Variants in CYP11A1 observed in about 807,000 individuals in gnomAD.
CYP11A1 encodes the protein cholesterol side-chain cleavage enzyme, mitochondrial.
Under a neutral mutation model 51.9 loss-of-function variants are expected in CYP11A1, and 25 were observed. The ratio of observed to expected loss-of-function variants is 0.48; its 90% CI spans 0.35 to 0.67. CYP11A1 has a LOEUF of 0.67. CYP11A1 is among the 30% of genes least tolerant of loss of function. The pLI is 0.00. For missense variants in CYP11A1, 578 were observed against 680.9 expected (o/e 0.85, Z 1.68); for synonymous variants, 245 against 262.1 (o/e 0.93, Z 0.63).
chr15:74,338,336 C>A, intron 8 of CYP11A1: 2 of 704,326 alleles, frequency 2.8e-6, no homozygotes, highest in Non-Finnish European at 2.5e-6. Context: ...CCTATCCCAT[C>A]CCATCACCAC....
At position 74,338,548 on chromosome 15, in the gene CYP11A1, T is replaced by C. The variant is rs1567050719; in HGVS notation, c.1434+23A>G. ...AGGGCCAGGGCCAGCCCAGGGTGCC[T>C]AGATGTCCCCAGCTTGACTCACATT... On this transcript the variant is annotated intron_variant, in intron 8 of 8. Coordinates refer to ENST00000268053, the MANE Select transcript of CYP11A1 (RefSeq NM_000781.3). The C allele has an allele frequency of 1.9e-6, 3 of 1,613,230 alleles. No homozygotes were observed. The East Asian group carries it at 6.7e-5, about 36-fold the overall frequency.
At chr15:74,344,536 A>G (rs911916486) in intron 3 of CYP11A1, among the ~76,000 whole-genome samples, 2 of 152,192 alleles carry the variant, frequency 1.3e-5, no homozygotes, top group African/African-American at 4.8e-5. Context: ...CTGTGACCAC[A>G]CAATCTTCAT....
chr15:74,343,351 C>T (rs1427130335), intron 4 of CYP11A1, among the ~76,000 whole-genome samples: 1 of 152,112 alleles, frequency 6.6e-6, no homozygotes, highest in Non-Finnish European at 1.5e-5. Flanking sequence ...CCCCATTTTA[C>T]AGATAACAGA....
chr15:74,348,557 T>G (rs186644053), intron 1 of CYP11A1, among the ~76,000 whole-genome samples: 197 of 152,330 alleles, frequency 1.3e-3, no homozygotes, highest in Non-Finnish European at 2.4e-3. Flanking sequence ...CCTGTCAGAC[T>G]CTACAACTGA....
intron 5 of CYP11A1, among the ~76,000 whole-genome samples, chr15:74,342,240 G>A (rs1207996696): frequency 6.6e-6 from 1 of 152,088 alleles, no homozygotes; most frequent in Non-Finnish European, 1.5e-5. Context: ...CCACCACCAG[G>A]CCCAGCTAAT....
intron 1 of CYP11A1, among the ~76,000 whole-genome samples, chr15:74,349,737 AC>A (rs921617999): frequency 1.9e-4 from 29 of 151,792 alleles, no homozygotes; most frequent in Admixed American, 1.4e-3. Flanking sequence ...ACTTTAAAGA[AC>A]CCGCGAAAAA....
Position 74,339,291 on chromosome 15 carries a change from C to T in CYP11A1, c.1182G>A (p.Leu394=), listed in dbSNP as rs375743628. The T allele has an allele frequency of 1.9e-6, 3 of 1,614,198 alleles. No individual in the cohort carries two copies. Among genetic ancestry groups the T allele is most frequent in the Non-Finnish European group, 8.5e-7 (1 of 1,180,012 alleles). The change falls in exon 7 of 9, where the codon CTG becomes CTA. Residue 394 remains leucine (L), a synonymous_variant. Transcript: ENST00000268053. Reference sequence around the variant, plus strand: ...CCAAGTCATTTACAAGATATCTCTGCAGGGTCACGGAGATGGGGTGAAGTC... The same window carrying T: ...CCAAGTCATTTACAAGATATCTCTGTAGGGTCACGGAGATGGGGTGAAGTC... The part of the protein sequence containing the change: ...TLRLHPISVT[L]QRYLVNDLVL...
At chr15:74,357,636 T>C (rs973571701) in intron 1 of CYP11A1, among the ~76,000 whole-genome samples, 2 of 151,860 alleles carry the variant, frequency 1.3e-5, no homozygotes, top group Non-Finnish European at 2.9e-5. Flanking sequence ...TAGCTCTCTC[T>C]AACTCATCCA....
At chr15:74,360,193 C>T (rs982050697) in intron 1 of CYP11A1, among the ~76,000 whole-genome samples, 2 of 152,212 alleles carry the variant, frequency 1.3e-5, no homozygotes, top group African/African-American at 4.8e-5. Flanking sequence ...TAGGTAAGGC[C>T]TGGGGACACG....
chr15:74,341,927 C>T (rs1383616839), intron 5 of CYP11A1, among the ~76,000 whole-genome samples: 1 of 152,186 alleles, frequency 6.6e-6, no homozygotes, highest in Non-Finnish European at 1.5e-5. Context: ...TAGAATGCAC[C>T]AACCCTGCCA....
rs2060596734 is a variant in CYP11A1, at chr15:74,339,570, G to A, written c.1157+17C>T. On this transcript the variant is annotated intron_variant, in intron 6 of 8. Transcript: ENST00000268053. ...AGGGATTGGAGTTGGGGGCGGCATG[G>A]GTGGTTGTGGGCTTGCCTTAGTGTC... The A allele has an allele frequency of 1.2e-6, 2 of 1,610,804 alleles. No individual in the cohort carries two copies. The highest frequency in any genetic ancestry group is 1.7e-4 in the Middle Eastern group (1 of 6,052).
intron 7 of CYP11A1, 26 bp downstream of exon 7, chr15:74,339,211 G>A (rs746369410): frequency 6.3e-7 from 1 of 1,593,726 alleles, no homozygotes; most frequent in Non-Finnish European, 8.6e-7. Flanking sequence ...GACTGGCAGA[G>A]CCTGCAGCCT....
chr15:74,367,204 G>T, intron 1 of CYP11A1, 113 bp downstream of exon 1: 159 of 988,580 alleles, frequency 1.6e-4, no homozygotes, highest in Non-Finnish European at 2.3e-4. Context: ...AAAGAAGTTA[G>T]ACAGGAGTTT....
Position 74,367,214 on chromosome 15 carries a change from T to G in CYP11A1, c.269+103A>C, listed in dbSNP as rs994347579. 43 of 1,294,696 alleles carry G rather than the reference T, an allele frequency of 3.3e-5. No individual in the cohort carries two copies. In the Admixed American group the frequency reaches 7.9e-4, roughly 24 times the overall value. The allele number at this position is 1,294,696 out of a possible 1,614,324, so 80.2% of individuals were successfully genotyped here. On this transcript the variant is annotated intron_variant, in intron 1 of 8. Coordinates refer to ENST00000268053, the MANE Select transcript of CYP11A1 (RefSeq NM_000781.3). Reference sequence around the variant, plus strand: ...AAAAAAAAGAAGTTAGACAGGAGTTTGGAACCAGAGAACAGCCTGTTGGGG... The same window carrying G: ...AAAAAAAAGAAGTTAGACAGGAGTTGGGAACCAGAGAACAGCCTGTTGGGG...
intron 5 of CYP11A1, among the ~76,000 whole-genome samples, chr15:74,341,799 T>C (rs1243550231): frequency 2.6e-5 from 4 of 152,214 alleles, no homozygotes; most frequent in Non-Finnish European, 5.9e-5. Flanking sequence ...AGGAGGATCC[T>C]AATCCAGTTC....
intron 8 of CYP11A1, 118 bp downstream of exon 8, chr15:74,338,453 A>T: frequency 9.5e-7 from 1 of 1,047,930 alleles, no homozygotes; most frequent in Non-Finnish European, 1.5e-6. Flanking sequence ...AACTGGAGGT[A>T]GATGCGCCCC....
rs987318812 is a variant in CYP11A1, at chr15:74,339,667, C to T, written c.1077G>A (p.Ala359=). The change falls in exon 6 of 9, where the codon GCG becomes GCA. Residue 359 remains alanine (A), a synonymous_variant. Transcript: ENST00000268053. ...QDMLRAEVLA[A]RHQAQGDMAT... ...CCATGTCTCCCTGGGCCTGGTGCCG[C>T]GCAGCCAAGACCTCTGCCCGCAGCA... 25 of 1,614,024 alleles carry T rather than the reference C, an allele frequency of 1.5e-5. No individual in the cohort carries two copies. The highest frequency in any genetic ancestry group is 2.2e-5 in the South Asian group (2 of 91,084).
At chr15:74,339,793 G>A (rs772206178) in intron 5 of CYP11A1, 40 bp from the exon 6 acceptor site, 34 of 1,607,998 alleles carry the variant, frequency 2.1e-5, no homozygotes, top group Non-Finnish European at 2.6e-5. Context: ...AGGAGGGCCT[G>A]TCACTCCGGG....
intron 1 of CYP11A1, chr15:74,350,170 T>G (rs752607877): frequency 1.9e-5 from 7 of 366,632 alleles, no homozygotes; most frequent in South Asian, 1.5e-4. Context: ...ACATACCTCA[T>G]GATACTTAAA....
Sources: gnomAD v4.1 joint callset for allele counts (sites outside exome capture counted in the v4.1 genomes callset) on GRCh38, gnomAD v4.1.1 for gene constraint, MANE v1.5 for transcripts, NCBI Gene and HGNC (gene_info 2026-07-23, HGNC 2026-07-21) for gene names.